The following KCNJ3 variants were observed in gnomAD, a reference collection of about 807,000 sequenced individuals.
The protein encoded by KCNJ3 is potassium inwardly rectifying channel subfamily J member 3, also known as G protein-activated inward rectifier potassium channel 1.
KCNJ3 carries 4 observed loss-of-function variants against 39.2 expected under a neutral mutation model. That is an observed-to-expected ratio of 0.10 (90% CI 0.05 to 0.23). The LOEUF (loss-of-function observed/expected upper bound fraction) is 0.23, where lower values mean the gene tolerates loss of function less well. Among genes scored for constraint, KCNJ3 ranks in the 10% least tolerant of loss-of-function variants. KCNJ3 has a pLI of 1.00. For synonymous variants in KCNJ3, 230 were observed against 237.4 expected (o/e 0.97, Z 0.29); for missense variants, 276 against 634.9 (o/e 0.43, Z 6.08).
At chr2:154,763,248 T>G (rs1384552353) in intron 2 of KCNJ3, among the ~76,000 whole-genome samples, 1 of 152,190 alleles carries the variant, frequency 6.6e-6, no homozygotes, top group Non-Finnish European at 1.5e-5. Context: ...CTAATAAGGC[T>G]TAGAAGCTAA....
At chr2:154,854,134 G>A (rs927761486) in intron 2 of KCNJ3, among the ~76,000 whole-genome samples, 10 of 152,004 alleles carry the variant, frequency 6.6e-5, no homozygotes, top group East Asian at 1.9e-4. Flanking sequence ...CCTTTGCTAC[G>A]TAAAGACAAA....
intron 1 of KCNJ3, 107 bp from the exon 2 acceptor site, chr2:154,709,496 A>G: frequency 8.8e-7 from 1 of 1,137,036 alleles, no homozygotes; most frequent in Non-Finnish European, 1.3e-6. Flanking sequence ...TTTGTTGCAG[A>G]TGATTGATAG....
intron 2 of KCNJ3, among the ~76,000 whole-genome samples, chr2:154,776,154 C>T (rs1686331088): frequency 6.6e-6 from 1 of 151,802 alleles, no homozygotes. Flanking sequence ...GGCACACACC[C>T]CCACGCCAGG....
intron 2 of KCNJ3, among the ~76,000 whole-genome samples, chr2:154,717,452 T>C (rs888464939): frequency 6.6e-6 from 1 of 152,158 alleles, no homozygotes; most frequent in Non-Finnish European, 1.5e-5. Flanking sequence ...GCTGTTACAA[T>C]AGGCTTGACC....
intron 2 of KCNJ3, among the ~76,000 whole-genome samples, chr2:154,726,821 ACACACAC>A (rs2105164056): frequency 6.6e-6 from 1 of 150,966 alleles, no homozygotes; most frequent in African/African-American, 2.5e-5. Context: ...ACACACACAC[ACACACAC>A]ACACACATAC....
At chr2:154,704,648 G>C (rs1453365680) in intron 1 of KCNJ3, among the ~76,000 whole-genome samples, 2 of 152,042 alleles carry the variant, frequency 1.3e-5, no homozygotes, top group Non-Finnish European at 2.9e-5. Flanking sequence ...TGTAATTGTA[G>C]ACAATGCCAA....
chr2:154,811,349 C>T (rs191317893), intron 2 of KCNJ3, among the ~76,000 whole-genome samples: 1 of 152,134 alleles, frequency 6.6e-6, no homozygotes, highest in African/African-American at 2.4e-5. Flanking sequence ...CAATGAAATA[C>T]CTCCTCAGGA....
At chr2:154,730,450 A>G (rs1321065766) in intron 2 of KCNJ3, among the ~76,000 whole-genome samples, 1 of 152,184 alleles carries the variant, frequency 6.6e-6, no homozygotes, top group Non-Finnish European at 1.5e-5. Context: ...CAATTTCTCA[A>G]GCTTAATAAT....
intron 2 of KCNJ3, among the ~76,000 whole-genome samples, chr2:154,848,795 G>A (rs560709697): frequency 2.3e-4 from 35 of 152,224 alleles, no homozygotes; most frequent in African/African-American, 7.9e-4. Context: ...CCCCAGGGTC[G>A]TCTGACACCA....
chr2:154,846,046 A>G (rs914519574), intron 2 of KCNJ3, among the ~76,000 whole-genome samples: 1 of 152,160 alleles, frequency 6.6e-6, no homozygotes, highest in African/African-American at 2.4e-5. Flanking sequence ...TAGGGAGTTA[A>G]AGGTAGTGCT....
At chr2:154,784,544 A>G (rs977345006) in intron 2 of KCNJ3, among the ~76,000 whole-genome samples, 2 of 151,996 alleles carry the variant, frequency 1.3e-5, no homozygotes, top group Non-Finnish European at 1.5e-5. Context: ...CACCATACCC[A>G]GCTAATTTTT....
chr2:154,813,813 T>C (rs565203193), intron 2 of KCNJ3, among the ~76,000 whole-genome samples: 4 of 152,318 alleles, frequency 2.6e-5, no homozygotes, highest in Non-Finnish European at 5.9e-5. Flanking sequence ...AGAGCTTTAG[T>C]TATAGGCCGT....
intron 2 of KCNJ3, among the ~76,000 whole-genome samples, chr2:154,807,395 G>A (rs1190582029): frequency 6.6e-6 from 1 of 152,186 alleles, no homozygotes; most frequent in Non-Finnish European, 1.5e-5. Context: ...TTCACCCAAT[G>A]TGTGACCTAC....
intron 2 of KCNJ3, among the ~76,000 whole-genome samples, chr2:154,714,203 A>G (rs373821118): frequency 6.6e-6 from 1 of 152,080 alleles, no homozygotes; most frequent in South Asian, 2.1e-4. Context: ...CTAAATTCCC[A>G]TTGACTCCTT....
chr2:154,849,374 TA>T (rs1188909534), intron 2 of KCNJ3, among the ~76,000 whole-genome samples: 1 of 152,200 alleles, frequency 6.6e-6, no homozygotes, highest in Non-Finnish European at 1.5e-5. Flanking sequence ...GTACGTGTGA[TA>T]AAACACAGCC....
chr2:154,705,193 A>C (rs1398179368), intron 1 of KCNJ3, among the ~76,000 whole-genome samples: 1 of 152,200 alleles, frequency 6.6e-6, no homozygotes. Context: ...GGAGAGAGAG[A>C]GGTAGCTAAG....
intron 2 of KCNJ3, among the ~76,000 whole-genome samples, chr2:154,821,666 G>T (rs928473497): frequency 1.7e-5 from 2 of 114,730 alleles, no homozygotes; most frequent in Non-Finnish European, 3.6e-5. Flanking sequence ...TTTTGAGATG[G>T]AGTCTCACTC....
At chr2:154,848,961 A>G (rs762169230) in intron 2 of KCNJ3, among the ~76,000 whole-genome samples, 3 of 152,208 alleles carry the variant, frequency 2.0e-5, no homozygotes, top group Non-Finnish European at 4.4e-5. Context: ...CCAAAAGTTG[A>G]CACTTTAATT....
Position 154,821,774 on chromosome 2 carries a change from G to A in KCNJ3, c.920-32953G>A, listed in dbSNP as rs1163926399. On this transcript the variant is annotated intron_variant, in intron 2 of 2. Transcript: ENST00000295101. ...TCCTTTGTTAGCCTCCTGAGTAGCT[G>A]GGTCTACAGACATGTGCCACCACAC... Among the ~76,000 whole-genome samples, 4 of 150,328 alleles carry A rather than the reference G, an allele frequency of 2.7e-5. No homozygotes were observed. In the East Asian group the frequency reaches 6.0e-4, roughly 22 times the overall value.
Sources: allele counts gnomAD v4.1 joint callset (sites outside exome capture counted in the v4.1 genomes callset), GRCh38; gene constraint gnomAD v4.1.1; transcripts MANE v1.5; gene names NCBI Gene and HGNC (gene_info 2026-07-23, HGNC 2026-07-21).